The following CHD9 variants were observed in gnomAD, a reference collection of about 807,000 sequenced individuals.
CHD9 encodes the protein ATP-dependent chromatin remodeler CHD9.
CHD9 carries 77 observed loss-of-function variants against 316.1 expected under a neutral mutation model. That is an observed-to-expected ratio of 0.24 (90% CI 0.20 to 0.29). The LOEUF is 0.29. CHD9 is among the 10% of genes least tolerant of loss of function. The pLI is 1.00. For missense variants in CHD9, 2,763 were observed against 3,438.1 expected (o/e 0.80, Z 4.91); for synonymous variants, 1,129 against 1,158.3 (o/e 0.97, Z 0.51).
At chr16:53,316,802 A>G (rs1057244158) in intron 36 of CHD9, among the ~76,000 whole-genome samples, 1 of 152,202 alleles carries the variant, frequency 6.6e-6, no homozygotes, top group Non-Finnish European at 1.5e-5. Context: ...TTCTGAGGAA[A>G]GATAAAGAAA....
intron 1 of CHD9, among the ~76,000 whole-genome samples, chr16:53,116,847 G>A (rs2038347159): frequency 6.6e-6 from 1 of 152,128 alleles, no homozygotes; most frequent in Admixed American, 6.6e-5. Context: ...ATGATAGACT[G>A]GATAAAAAAG....
chr16:53,087,256 TTCC>T (rs2035539544), intron 1 of CHD9, among the ~76,000 whole-genome samples: 1 of 152,000 alleles, frequency 6.6e-6, no homozygotes, highest in Admixed American at 6.6e-5. Context: ...ATTGGCTGAG[TTCC>T]TCCTCCTGTT....
intron 17 of CHD9, 49 bp from the exon 18 acceptor site, chr16:53,254,389 A>T: frequency 7.2e-7 from 1 of 1,397,800 alleles, no homozygotes; most frequent in Middle Eastern, 1.9e-4. Context: ...GTTTACTATT[A>T]AATGCCTTTT....
At chr16:53,107,676 C>T (rs61113870) in intron 1 of CHD9, among the ~76,000 whole-genome samples, 7,003 of 151,180 alleles carry the variant, frequency 0.046, 477 homozygotes, top group African/African-American at 0.13. Context: ...AGCGAGACCC[C>T]ATCTAAAAAA....
Position 53,231,817 on chromosome 16 carries a change from C to G in CHD9, c.2511+33C>G, listed in dbSNP as rs369010995. On this transcript the variant is annotated intron_variant, in intron 10 of 38. Transcript: ENST00000447540. The stretch of plus-strand genomic sequence containing the variant: ...CCTGTTTTAGACAGCTTTATAAAAT[C>G]TTAGCACTTGTTTATGTAAGTTATG... 2.6e-6 allele frequency: 4 copies of G among 1,551,420 alleles called. No homozygotes were observed. The African/African-American group carries it at 5.6e-5, about 22-fold the overall frequency.
chr16:53,080,925 A>T (rs1243984557), intron 1 of CHD9, among the ~76,000 whole-genome samples: 4 of 152,264 alleles, frequency 2.6e-5, no homozygotes, highest in Non-Finnish European at 5.9e-5. Flanking sequence ...AGCATCTTTC[A>T]GGGATGTCTG....
chr16:53,198,276 T>G (rs1458822050), intron 2 of CHD9, among the ~76,000 whole-genome samples: 1 of 151,986 alleles, frequency 6.6e-6, no homozygotes, highest in Non-Finnish European at 1.5e-5. Context: ...CGTCCATTGT[T>G]CTAACATCAA....
intron 1 of CHD9, among the ~76,000 whole-genome samples, chr16:53,128,275 C>T (rs928055921): frequency 6.6e-6 from 1 of 152,116 alleles, no homozygotes; most frequent in Non-Finnish European, 1.5e-5. Flanking sequence ...CGCTGCCTCC[C>T]AGATTCAAGC....
chr16:53,133,435 G>A (rs1293236042), intron 1 of CHD9, among the ~76,000 whole-genome samples: 1 of 151,912 alleles, frequency 6.6e-6, no homozygotes, highest in Non-Finnish European at 1.5e-5. Flanking sequence ...ACTGCATCCC[G>A]TCTCTATTAA....
intron 19 of CHD9, 44 bp downstream of exon 19, chr16:53,255,823 A>G (rs2050542515): frequency 6.5e-7 from 1 of 1,544,094 alleles, no homozygotes; most frequent in Admixed American, 1.7e-5. Context: ...TGATGTTCAC[A>G]TCCTAACTAC....
At position 53,267,912 on chromosome 16, in the gene CHD9, A is replaced by C. The variant is rs1567590956; in HGVS notation, c.4518-15A>C. ...CTTGACTCAATATCAATGTAACTAT[A>C]CCTTTTTTAACCAGGTGGGGCCGAT... is the stretch of plus-strand genomic sequence containing the variant. On this transcript the variant is annotated splice_polypyrimidine_tract_variant and intron_variant, in intron 21 of 38. Coordinates refer to ENST00000447540, the MANE Select transcript of CHD9 (RefSeq NM_001308319.2). 4.3e-6 allele frequency: 7 copies of C among 1,609,458 alleles called. No homozygotes were observed. Among genetic ancestry groups the C allele is most frequent in the Non-Finnish European group, 5.1e-6 (6 of 1,176,134 alleles).
chr16:53,244,644 G>A (rs1438274769), intron 13 of CHD9, among the ~76,000 whole-genome samples: 3 of 151,996 alleles, frequency 2.0e-5, no homozygotes, highest in African/African-American at 7.3e-5. Context: ...GAATGTTTGA[G>A]TACAAAAGAA....
chr16:53,193,262 C>T (rs901575157), intron 2 of CHD9, among the ~76,000 whole-genome samples: 1 of 152,036 alleles, frequency 6.6e-6, no homozygotes, highest in Non-Finnish European at 1.5e-5. Flanking sequence ...TCCTGGCTGA[C>T]ACGGTGAAAC....
chr16:53,089,036 T>A (rs991027929), intron 1 of CHD9, among the ~76,000 whole-genome samples: 1 of 151,938 alleles, frequency 6.6e-6, no homozygotes, highest in African/African-American at 2.4e-5. Context: ...CGCTTGAACC[T>A]GGGAGGCGGA....
intron 19 of CHD9, among the ~76,000 whole-genome samples, chr16:53,257,050 G>T (rs2050672741): frequency 6.6e-6 from 1 of 152,150 alleles, no homozygotes; most frequent in African/African-American, 2.4e-5. Context: ...TATTAATTCT[G>T]TATATTCTGA....
At chr16:53,244,982 G>A (rs2049449993) in intron 13 of CHD9, among the ~76,000 whole-genome samples, 1 of 151,936 alleles carries the variant, frequency 6.6e-6, no homozygotes, top group South Asian at 2.1e-4. Flanking sequence ...CAGGTGTTGT[G>A]GTGCATACCT....
rs750766898 is a variant in CHD9, at chr16:53,321,202, C to T, written c.7714-324C>T. On this transcript the variant is annotated intron_variant, in intron 37 of 38. Transcript: ENST00000447540. ...GCTGAAAGAGATTTACTGATTTGCT[C>T]GAGTTCACATAGCTGGTAAGTCTAA... 1.8e-5 allele frequency: 23 copies of T among 1,305,948 alleles called. No individual in the cohort carries two copies. The South Asian group carries it at 2.5e-4, about 14-fold the overall frequency. The allele number at this position is 1,305,948 out of a possible 1,614,324, so 80.9% of individuals were successfully genotyped here.
At chr16:53,100,101 G>A (rs1342044279) in intron 1 of CHD9, among the ~76,000 whole-genome samples, 1 of 152,216 alleles carries the variant, frequency 6.6e-6, no homozygotes, top group East Asian at 1.9e-4. Flanking sequence ...ATTGTGGCTG[G>A]GTGATACTGC....
Position 53,245,889 on chromosome 16 carries a change from C to T in CHD9, c.3454+39C>T. The T allele has an allele frequency of 7.4e-7, 1 of 1,353,682 alleles. No individual in the cohort carries two copies. Among genetic ancestry groups the T allele is most frequent in the South Asian group, 1.7e-5 (1 of 59,034 alleles). 83.9% of individuals were successfully genotyped at this position (1,353,682 alleles called of 1,614,324 possible). ...ATTACAACAAATATGTTTTTTCTTG[C>T]AACAAATACTAATGAATAAATAAAC... On this transcript the variant is annotated intron_variant, in intron 15 of 38. Transcript: ENST00000447540. This position sits in a 1 kb window ranked among gnomAD's most constrained non-coding sequence, Gnocchi z 4.1.
Sources: allele counts gnomAD v4.1 joint callset (sites outside exome capture counted in the v4.1 genomes callset), GRCh38; gene constraint gnomAD v4.1.1; non-coding constraint Gnocchi (gnomAD v3.1); transcripts MANE v1.5; gene names NCBI Gene and HGNC (gene_info 2026-07-23, HGNC 2026-07-21).